Variants in LRRC18 observed in about 807,000 individuals in gnomAD.
LRRC18 encodes leucine-rich repeat-containing protein 18.
In LRRC18, 12 loss-of-function variants were observed where a neutral mutation model predicts 11.2. The observed-to-expected ratio is 1.07, with a 90% CI of 0.69 to 1.74. The LOEUF is 1.74. LRRC18 is among the 40% of genes most tolerant of loss of function. LRRC18 has a pLI of 0.00. For missense variants in LRRC18, 374 were observed against 330.5 expected, an observed-to-expected ratio of 1.13 and a Z score of -1.02; for synonymous variants, 155 against 130.6, an observed-to-expected ratio of 1.19 and a Z score of -1.27.
At chr10:48,914,155 T>A in exon 1 of LRRC18, 4 of 1,611,200 alleles carry the variant, frequency 2.5e-6, no homozygotes, top group Non-Finnish European at 3.4e-6. Context: ...CCCTTAACCA[T>A]GTTCTTTTAG....
chr10:48,925,744 G>A, the LRRC18 span, among the ~76,000 whole-genome samples: 2 of 152,100 alleles, frequency 1.3e-5, no homozygotes, highest in Admixed American at 1.3e-4. Context: ...GCAGGGGTTG[G>A]AATCTTACAG....
At chr10:48,910,417 C>T (rs943355622) in intron 1 of LRRC18, among the ~76,000 whole-genome samples, 159 bp from the exon 4 acceptor site, 2 of 152,190 alleles carry the variant, frequency 1.3e-5, no homozygotes, top group Non-Finnish European at 2.9e-5. Context: ...GGAAAGAGAA[C>T]ACCCAAGGCT....
At chr10:48,936,292 T>C in the LRRC18 span, among the ~76,000 whole-genome samples, 775 of 152,202 alleles carry the variant, frequency 5.1e-3, 3 homozygotes, top group African/African-American at 0.018. Context: ...AAAAATAAAA[T>C]ACATAATTTA....
upstream of LRRC18, among the ~76,000 whole-genome samples, chr10:48,917,396 G>T (rs1838649022): frequency 6.6e-6 from 1 of 152,154 alleles, no homozygotes; most frequent in Admixed American, 6.6e-5. Flanking sequence ...ACAAACACAG[G>T]AAGGAAGCTC....
chr10:48,916,868 AAT>A (rs1472114083), upstream of LRRC18, among the ~76,000 whole-genome samples: 4 of 112,052 alleles, frequency 3.6e-5, no homozygotes, highest in Non-Finnish European at 5.5e-5. Flanking sequence ...CTGCTTTAAA[AAT>A]ATGTGTGTGT....
rs41283293 is a variant in LRRC18, at chr10:48,913,813, C to T, written c.343G>A (p.Val115Met). ...ATGTTCTTGAGTTGCTTCAGCTCCA[C>T]GGGCAGCCCGTTGCTGGTCAGCCGG... Residue 115 changes from valine (V) to methionine (M), a missense_variant, in exon 1 of 2, where the codon GTG becomes ATG. Physicochemically the swap from Val to Met is conservative, Grantham distance 21. Coordinates refer to ENST00000374160, the Ensembl canonical transcript of LRRC18. The T allele has an allele frequency of 4.7e-5, 76 of 1,614,074 alleles. No individual in the cohort carries two copies. In the Middle Eastern group the frequency reaches 4.9e-4, roughly 11 times the overall value.
At chr10:48,926,556 C>A in the LRRC18 span, among the ~76,000 whole-genome samples, 1 of 152,158 alleles carries the variant, frequency 6.6e-6, no homozygotes, top group Non-Finnish European at 1.5e-5. Flanking sequence ...TTTGGAGGAA[C>A]TGACCACAGG....
At chr10:48,917,220 G>T (rs1291610177), upstream of LRRC18, among the ~76,000 whole-genome samples, 1 of 152,268 alleles carries the variant, frequency 6.6e-6, no homozygotes, top group Non-Finnish European at 1.5e-5. Flanking sequence ...GTATTTCTCA[G>T]AAAGTATTCA....
the LRRC18 span, among the ~76,000 whole-genome samples, chr10:48,925,855 C>T: frequency 6.6e-6 from 1 of 152,116 alleles, no homozygotes; most frequent in Non-Finnish European, 1.5e-5. Flanking sequence ...AAGTAATTGC[C>T]TCAAACATGC....
chr10:48,939,558 A>C, the LRRC18 span, among the ~76,000 whole-genome samples: 1 of 152,228 alleles, frequency 6.6e-6, no homozygotes, highest in Non-Finnish European at 1.5e-5. Context: ...CATTTGCAAC[A>C]TCTTATTTAA....
At chr10:48,936,188 C>A in the LRRC18 span, among the ~76,000 whole-genome samples, 2 of 151,830 alleles carry the variant, frequency 1.3e-5, no homozygotes, top group African/African-American at 4.8e-5. Context: ...AAAATGACTT[C>A]AATTTAGAAA....
the LRRC18 span, among the ~76,000 whole-genome samples, chr10:48,925,704 T>C: frequency 1.6e-4 from 25 of 152,232 alleles, no homozygotes; most frequent in African/African-American, 5.5e-4. Context: ...GCAGAGCTGA[T>C]GGAGGGATGA....
chr10:48,931,502 C>T, the LRRC18 span, among the ~76,000 whole-genome samples: 1 of 152,284 alleles, frequency 6.6e-6, no homozygotes, highest in African/African-American at 2.4e-5. Context: ...GAGAGGGTGG[C>T]CCGTATTATG....
At chr10:48,926,282 G>C in the LRRC18 span, among the ~76,000 whole-genome samples, 1 of 152,250 alleles carries the variant, frequency 6.6e-6, no homozygotes, top group Non-Finnish European at 1.5e-5. Context: ...GGGTGTTCCT[G>C]TTTTGCTGGA....
the LRRC18 span, among the ~76,000 whole-genome samples, chr10:48,932,225 C>T: frequency 7.2e-5 from 11 of 152,308 alleles, no homozygotes; most frequent in South Asian, 4.1e-4. Context: ...CCACCAGTGG[C>T]GGGTGCTGGT....
At chr10:48,935,321 C>G in the LRRC18 span, 2 of 152,250 alleles carry the variant, frequency 1.3e-5, no homozygotes, top group African/African-American at 4.8e-5. Flanking sequence ...CTAAGACACT[C>G]TAATTTCCCG....
At chr10:48,928,506 G>A in the LRRC18 span, among the ~76,000 whole-genome samples, 1 of 152,098 alleles carries the variant, frequency 6.6e-6, no homozygotes, top group Admixed American at 6.6e-5. Flanking sequence ...TTCAGACCCT[G>A]CAGCCTAGCG....
At chr10:48,928,353 C>CGTGTGT in the LRRC18 span, among the ~76,000 whole-genome samples, 12,769 of 124,862 alleles carry the variant, frequency 0.1, 847 homozygotes, top group East Asian at 0.16. Flanking sequence ...TTGGTTTTGA[C>CGTGTGT]GTGTGTGTGT....
upstream of LRRC18, among the ~76,000 whole-genome samples, chr10:48,914,880 G>A (rs1007848532): frequency 2.0e-5 from 3 of 152,202 alleles, no homozygotes; most frequent in East Asian, 3.8e-4. Context: ...GGGATGGGGG[G>A]TGCGGGCAAA....
Sources: gnomAD v4.1 joint callset for allele counts (sites outside exome capture counted in the v4.1 genomes callset) on GRCh38, gnomAD v4.1.1 for gene constraint, MANE v1.5 for transcripts, NCBI Gene and HGNC (gene_info 2026-07-23, HGNC 2026-07-21) for gene names.